Variants in GABRB2 observed in about 807,000 individuals in gnomAD.
The protein encoded by GABRB2 is gamma-aminobutyric acid type A receptor subunit beta2, also known as gamma-aminobutyric acid receptor subunit beta-2.
Under a neutral mutation model 54.7 loss-of-function variants are expected in GABRB2, and 16 were observed. The ratio of observed to expected loss-of-function variants is 0.29; its 90% CI spans 0.20 to 0.44. GABRB2 has a LOEUF of 0.44. Among genes scored for constraint, GABRB2 ranks in the 20% least tolerant of loss-of-function variants. GABRB2 has a pLI of 1.00. For missense variants in GABRB2, 355 were observed against 644.0 expected, an observed-to-expected ratio of 0.55 and a Z score of 4.86; for synonymous variants, 244 against 233.8, an observed-to-expected ratio of 1.04 and a Z score of -0.40.
At chr5:161,506,046 A>G (rs770677799) in intron 3 of GABRB2, among the ~76,000 whole-genome samples, 33 of 152,072 alleles carry the variant, frequency 2.2e-4, no homozygotes, top group Non-Finnish European at 2.6e-4. Flanking sequence ...GTATATATAT[A>G]TATGTATATA....
chr5:161,477,067 A>C (rs1331291942), intron 3 of GABRB2, among the ~76,000 whole-genome samples: 1 of 151,776 alleles, frequency 6.6e-6, no homozygotes, highest in Admixed American at 6.6e-5. Context: ...ATTTTTAAAA[A>C]CTCCTACAAC....
intron 9 of GABRB2, among the ~76,000 whole-genome samples, chr5:161,321,171 T>C (rs1003486526): frequency 2.0e-4 from 31 of 152,016 alleles, no homozygotes; most frequent in African/African-American, 6.3e-4. Context: ...ATAATGGTGA[T>C]CTATGTTATC....
At chr5:161,543,367 C>T (rs1760878877) in intron 3 of GABRB2, among the ~76,000 whole-genome samples, 1 of 152,154 alleles carries the variant, frequency 6.6e-6, no homozygotes, top group Non-Finnish European at 1.5e-5. Context: ...CCACTCTAAA[C>T]AATGTTAGGA....
intron 3 of GABRB2, among the ~76,000 whole-genome samples, chr5:161,498,566 A>T (rs1050652679): frequency 1.3e-5 from 2 of 152,068 alleles, no homozygotes; most frequent in African/African-American, 4.8e-5. Flanking sequence ...ATACTACCTT[A>T]TCAATCACTG....
intron 9 of GABRB2, among the ~76,000 whole-genome samples, chr5:161,311,836 A>G (rs1035901373): frequency 6.6e-6 from 1 of 152,240 alleles, no homozygotes; most frequent in Non-Finnish European, 1.5e-5. Context: ...CATGTTAAAG[A>G]TGAAGAAGCA....
chr5:161,454,918 G>A (rs1757904732), intron 4 of GABRB2, among the ~76,000 whole-genome samples: 1 of 152,156 alleles, frequency 6.6e-6, no homozygotes, highest in South Asian at 2.1e-4. Context: ...CCCCTGGAAT[G>A]ATTTTCATAC....
At chr5:161,345,158 G>T (rs1337768731) in intron 5 of GABRB2, among the ~76,000 whole-genome samples, 1 of 151,906 alleles carries the variant, frequency 6.6e-6, no homozygotes, top group African/African-American at 2.4e-5. Context: ...AAATCTGCAT[G>T]TTCTGCACAT....
At chr5:161,531,372 T>G (rs1389185523) in intron 3 of GABRB2, among the ~76,000 whole-genome samples, 1 of 152,168 alleles carries the variant, frequency 6.6e-6, no homozygotes, top group Non-Finnish European at 1.5e-5. Context: ...ATATGCTTGT[T>G]TAAAAGCCAG....
intron 9 of GABRB2, among the ~76,000 whole-genome samples, chr5:161,316,666 G>A (rs558982178): frequency 3.7e-4 from 56 of 151,988 alleles, no homozygotes; most frequent in Non-Finnish European, 5.0e-4. Flanking sequence ...GGAGTGCAGT[G>A]GTGCAATCTT....
intron 3 of GABRB2, among the ~76,000 whole-genome samples, chr5:161,478,512 C>T (rs1758661396): frequency 6.6e-6 from 1 of 151,984 alleles, no homozygotes; most frequent in Admixed American, 6.6e-5. Context: ...TTATTAAGCA[C>T]ATCAAAACAA....
chr5:161,546,260 G>A, intron 2 of GABRB2, 62 bp downstream of exon 2: 11 of 1,333,364 alleles, frequency 8.2e-6, no homozygotes, highest in Non-Finnish European at 1.1e-5. Flanking sequence ...AAGAGAGCGC[G>A]CACAAAGCTC....
chr5:161,436,177 C>T lies in GABRB2; in HGVS notation c.458+23447G>A, dbSNP rs559209093. On this transcript the variant is annotated intron_variant, in intron 4 of 9. Coordinates refer to ENST00000393959, the MANE Select transcript of GABRB2 (RefSeq NM_001371727.1). ...AATAGCCACCTCTTGGATTGAAAAG[C>T]TTGTAAAATATTTAGTATAGTGCAT... Among the ~76,000 whole-genome samples the T allele has an allele frequency of 1.3e-4, 20 of 152,232 alleles. No individual in the cohort carries two copies. In the South Asian group the frequency reaches 1.5e-3, roughly 11 times the overall value.
chr5:161,521,100 C>T (rs1351826453), intron 3 of GABRB2, among the ~76,000 whole-genome samples: 4 of 151,934 alleles, frequency 2.6e-5, no homozygotes, highest in African/African-American at 7.2e-5. Context: ...TGGAGGACTA[C>T]TTGTTTTACT....
chr5:161,522,503 C>G (rs968128355), intron 3 of GABRB2, among the ~76,000 whole-genome samples: 7 of 151,752 alleles, frequency 4.6e-5, no homozygotes, highest in African/African-American at 1.7e-4. Context: ...CTTGTCAGCT[C>G]TTTTTCTAGC....
chr5:161,474,182 A>G (rs72813574), intron 3 of GABRB2, among the ~76,000 whole-genome samples: 10,189 of 151,994 alleles, frequency 0.067, 472 homozygotes, highest in Middle Eastern at 0.088. Context: ...TCCTTATCAG[A>G]GCTTGGGGAA....
intron 3 of GABRB2, among the ~76,000 whole-genome samples, chr5:161,467,193 A>G (rs1285095894): frequency 6.6e-6 from 1 of 152,106 alleles, no homozygotes; most frequent in Non-Finnish European, 1.5e-5. Context: ...GAGTTCTTCT[A>G]GATAACAGCT....
At chr5:161,324,759 A>C (rs1025623752) in intron 9 of GABRB2, among the ~76,000 whole-genome samples, 23 of 152,248 alleles carry the variant, frequency 1.5e-4, no homozygotes, top group Admixed American at 1.1e-3. Flanking sequence ...AGAGGACTTA[A>C]AGGACAGCAT....
intron 5 of GABRB2, among the ~76,000 whole-genome samples, chr5:161,410,702 C>A (rs77060612): frequency 6.6e-6 from 1 of 152,278 alleles, no homozygotes; most frequent in African/African-American, 2.4e-5. Flanking sequence ...AAATAGCCCT[C>A]GGTCTCCTTC....
At chr5:161,480,863 A>G (rs1355895123) in intron 3 of GABRB2, among the ~76,000 whole-genome samples, 2 of 152,020 alleles carry the variant, frequency 1.3e-5, no homozygotes, top group African/African-American at 2.4e-5. Flanking sequence ...TTGAGGGTGA[A>G]TGTGGCAATG....
Sources: gnomAD v4.1 joint callset for allele counts (sites outside exome capture counted in the v4.1 genomes callset) on GRCh38, gnomAD v4.1.1 for gene constraint, MANE v1.5 for transcripts, NCBI Gene and HGNC (gene_info 2026-07-23, HGNC 2026-07-21) for gene names.